Variants in GSE1 observed in about 807,000 individuals in gnomAD.
GSE1 encodes the protein Gse1 coiled-coil protein, also known as genetic suppressor element 1.
Under a neutral mutation model 112.6 loss-of-function variants are expected in GSE1, and 32 were observed. That is an observed-to-expected ratio of 0.28 (90% confidence interval 0.21 to 0.38). GSE1 has a LOEUF of 0.38. Among genes scored for constraint, GSE1 ranks in the 10% least tolerant of loss-of-function variants. The pLI is 1.00. For synonymous variants in GSE1, 1,115 were observed against 735.6 expected (o/e 1.52, Z -8.35); for missense variants, 2,348 against 1,699.2 (o/e 1.38, Z -6.71).
At chr16:85,669,319 A>G (rs2053139250) in intron 14 of GSE1, among the ~76,000 whole-genome samples, 2 of 152,192 alleles carry the variant, frequency 1.3e-5, no homozygotes, top group African/African-American at 2.4e-5. Context: ...ATCATCACAT[A>G]TGACAGTGTT....
intron 1 of GSE1, among the ~76,000 whole-genome samples, chr16:85,340,778 C>G (rs1443220763): frequency 6.6e-6 from 1 of 152,296 alleles, no homozygotes; most frequent in African/African-American, 2.4e-5. Flanking sequence ...CAAGGGGTTT[C>G]TCCCACATGT....
At chr16:85,204,202 C>A (rs551676228) in intron 1 of GSE1, among the ~76,000 whole-genome samples, 4 of 152,354 alleles carry the variant, frequency 2.6e-5, no homozygotes, top group African/African-American at 9.6e-5. Flanking sequence ...CTGGATATTT[C>A]CTGTAAATGG....
chr16:85,331,493 GTATATGTGTATATA>G (rs2046355529), intron 1 of GSE1, among the ~76,000 whole-genome samples: 1 of 112,912 alleles, frequency 8.9e-6, no homozygotes, highest in Non-Finnish European at 1.9e-5. Context: ...GTATATATGT[GTATATGTGTATATA>G]TGTATATATG....
At chr16:85,544,611 C>T (rs146541563) in intron 2 of GSE1, among the ~76,000 whole-genome samples, 1 of 152,198 alleles carries the variant, frequency 6.6e-6, no homozygotes, top group Non-Finnish European at 1.5e-5. Context: ...GGGATGAAGC[C>T]GCTCATAGAA....
intron 1 of GSE1, among the ~76,000 whole-genome samples, chr16:85,305,588 C>G (rs974338445): frequency 2.2e-4 from 34 of 152,098 alleles, no homozygotes; most frequent in African/African-American, 8.2e-4. Flanking sequence ...TCGAGCAATT[C>G]TCCTGCCTCA....
chr16:85,557,853 CTG>C (rs980384518), intron 1 of GSE1, among the ~76,000 whole-genome samples: 5 of 150,432 alleles, frequency 3.3e-5, no homozygotes, highest in African/African-American at 1.2e-4. Flanking sequence ...TTCGTGGTGT[CTG>C]TTTTAGTTCC....
intron 1 of GSE1, among the ~76,000 whole-genome samples, chr16:85,178,446 A>G (rs2074512981): frequency 6.6e-6 from 1 of 152,042 alleles, no homozygotes; most frequent in Non-Finnish European, 1.5e-5. Context: ...AATCAGTGTC[A>G]ATCAATCTGA....
At chr16:85,585,224 G>T (rs2046635839) in intron 1 of GSE1, among the ~76,000 whole-genome samples, 1 of 152,214 alleles carries the variant, frequency 6.6e-6, no homozygotes. Flanking sequence ...AGCCCTGCCT[G>T]CCCTGCTGTG....
chr16:85,262,091 C>T (rs527588132), intron 1 of GSE1, among the ~76,000 whole-genome samples: 10 of 152,312 alleles, frequency 6.6e-5, no homozygotes, highest in African/African-American at 2.4e-4. Flanking sequence ...GACTCTTAAC[C>T]ACTTCACTGG....
At chr16:85,191,656 C>G (rs1370397226) in intron 1 of GSE1, among the ~76,000 whole-genome samples, 3 of 152,174 alleles carry the variant, frequency 2.0e-5, no homozygotes, top group African/African-American at 7.2e-5. Flanking sequence ...ACTTCACGCC[C>G]CGGCATGAAC....
At chr16:85,508,234 A>G (rs1188021401) in intron 2 of GSE1, among the ~76,000 whole-genome samples, 1 of 152,146 alleles carries the variant, frequency 6.6e-6, no homozygotes, top group Non-Finnish European at 1.5e-5. Flanking sequence ...GGGTTTCACC[A>G]TGTTGGCCAG....
At chr16:85,366,674 C>G (rs2047192216) in intron 2 of GSE1, among the ~76,000 whole-genome samples, 2 of 152,206 alleles carry the variant, frequency 1.3e-5, no homozygotes, top group African/African-American at 4.8e-5. Context: ...TTTCCCTCAG[C>G]TGGTTCCCTT....
upstream of GSE1, among the ~76,000 whole-genome samples, chr16:85,611,832 G>A (rs927685555): frequency 8.1e-4 from 123 of 151,066 alleles, 1 homozygote; most frequent in Non-Finnish European, 1.6e-3. Flanking sequence ...CCCAGCGCTC[G>A]CTCCCGTCGC....
rs760635368 is a variant in GSE1 at position 85,668,342 on chromosome 16, TGGA to T, written c.3335_3337del (p.Gly1112del). ...AGGAGGAAGAGGAGGATGATGAAGA[TGGA>T]GAAGATGAGGAGGAAGTCCCCAAGC... is the stretch of plus-strand genomic sequence containing the variant. On this transcript the variant is annotated inframe_deletion, in exon 14 of 16. Transcript: ENST00000253458. 4.1e-5 allele frequency: 66 copies of T among 1,612,752 alleles called. No homozygotes were observed. The highest frequency in any genetic ancestry group is 5.0e-5 in the Admixed American group (3 of 59,952).
intron 1 of GSE1, among the ~76,000 whole-genome samples, chr16:85,194,039 C>G (rs922457327): frequency 1.3e-5 from 2 of 152,176 alleles, no homozygotes; most frequent in African/African-American, 4.8e-5. Context: ...AAATGAGGCT[C>G]TGGGAGGTGA....
intron 1 of GSE1, among the ~76,000 whole-genome samples, chr16:85,354,063 C>G (rs16975541): frequency 0.024 from 3,623 of 152,314 alleles, 123 homozygotes; most frequent in African/African-American, 0.076. Flanking sequence ...TCCTACTCCT[C>G]TTGAAGGCCC....
chr16:85,268,280 C>T (rs1160960785), intron 1 of GSE1, among the ~76,000 whole-genome samples: 1 of 152,032 alleles, frequency 6.6e-6, no homozygotes, highest in Non-Finnish European at 1.5e-5. Context: ...TAATTTCACA[C>T]ACAGCATCGC....
At chr16:85,515,134 G>A (rs1285307212) in intron 2 of GSE1, among the ~76,000 whole-genome samples, 4 of 152,124 alleles carry the variant, frequency 2.6e-5, no homozygotes, top group African/African-American at 7.2e-5. Flanking sequence ...CAATCTTGCT[G>A]CTCCCAGTGT....
intron 3 of GSE1, among the ~76,000 whole-genome samples, chr16:85,652,954 G>A (rs927364784): frequency 2.6e-5 from 4 of 151,916 alleles, no homozygotes; most frequent in East Asian, 4.0e-4. Context: ...CAGATGGAAC[G>A]TGAGGAAGGG....
Sources: gnomAD v4.1 joint callset for allele counts (sites outside exome capture counted in the v4.1 genomes callset) on GRCh38, gnomAD v4.1.1 for gene constraint, MANE v1.5 for transcripts, NCBI Gene and HGNC (gene_info 2026-07-23, HGNC 2026-07-21) for gene names.